Variants in EPB41L4A observed in about 807,000 individuals in gnomAD.
EPB41L4A encodes band 4.1-like protein 4A.
In EPB41L4A, 100 loss-of-function variants were observed where a neutral mutation model predicts 108.6. The ratio of observed to expected loss-of-function variants is 0.92; its 90% CI spans 0.78 to 1.09. The LOEUF is 1.09. Ranked by LOEUF, EPB41L4A falls within the 50% of genes least tolerant of loss-of-function variation. EPB41L4A has a pLI of 0.00. For missense variants in EPB41L4A, 1,030 were observed against 842.7 expected, an observed-to-expected ratio of 1.22 and a Z score of -2.75; for synonymous variants, 319 against 289.0, an observed-to-expected ratio of 1.10 and a Z score of -1.05.
At position 112,419,010 on chromosome 5, in the gene EPB41L4A, T is replaced by A. The variant is rs544682638; in HGVS notation, c.30A>T (p.Glu10Asp). MGCFCAVPE[E>D]FYCEVLLLDE... ...CCAGGAGCAAAACTTCGCAGTAAAA[T>A]TCTTCCGGAACAGCGCAGAAACAGC... is the stretch of plus-strand genomic sequence containing the variant. Residue 10 changes from glutamate to aspartate, a missense_variant, in exon 1 of 23, where the codon GAA becomes GAT. Glu to Asp is a conservative substitution (Grantham distance 45, BLOSUM62 2). Transcript: ENST00000261486. 2 of 1,613,430 alleles carry A rather than the reference T, an allele frequency of 1.2e-6. No homozygotes were observed. Among genetic ancestry groups the A allele is most frequent in the African/African-American group, 2.7e-5 (2 of 74,942 alleles).
intron 2 of EPB41L4A, among the ~76,000 whole-genome samples, chr5:112,290,005 C>T (rs138821239): frequency 1.7e-4 from 26 of 152,252 alleles, no homozygotes; most frequent in African/African-American, 5.8e-4. Flanking sequence ...GATGTGCATG[C>T]CCTTTATGTC....
intron 1 of EPB41L4A, among the ~76,000 whole-genome samples, chr5:112,381,007 C>T (rs1216954531): frequency 6.6e-6 from 1 of 152,074 alleles, no homozygotes; most frequent in Non-Finnish European, 1.5e-5. Flanking sequence ...TGTTCCAATT[C>T]AAAAATTTTT....
At chr5:112,263,579 CA>C (rs1751639094) in intron 6 of EPB41L4A, 1 of 152,090 alleles carries the variant, frequency 6.6e-6, no homozygotes, top group Non-Finnish European at 1.5e-5. Context: ...CATAATGTGC[CA>C]AACACATTGC....
At chr5:112,344,810 C>G (rs1011442909) in intron 1 of EPB41L4A, among the ~76,000 whole-genome samples, 6 of 152,198 alleles carry the variant, frequency 3.9e-5, no homozygotes, top group Non-Finnish European at 7.3e-5. Context: ...TACAATGAAA[C>G]TGAATATATA....
At position 112,368,935 on chromosome 5, in the gene EPB41L4A, C is replaced by A. The variant is rs1561614949; in HGVS notation, c.99+50006G>T. Among the ~76,000 whole-genome samples the A allele has an allele frequency of 2.0e-5, 3 of 152,198 alleles. No individual in the cohort carries two copies. The South Asian group carries it at 6.2e-4, about 32-fold the overall frequency. Reference sequence around the variant, plus strand: ...AATTCTCGTCCACTCCCACAACCCTCCAGCCCCCGTTCTCATACTCTCCAT... The same window carrying A: ...AATTCTCGTCCACTCCCACAACCCTACAGCCCCCGTTCTCATACTCTCCAT... On this transcript the variant is annotated intron_variant, in intron 1 of 22. Coordinates refer to ENST00000261486, the MANE Select transcript of EPB41L4A (RefSeq NM_022140.5).
At chr5:112,214,882 A>C (rs1048372773) in intron 12 of EPB41L4A, among the ~76,000 whole-genome samples, 3 of 152,208 alleles carry the variant, frequency 2.0e-5, no homozygotes, top group African/African-American at 7.2e-5. Flanking sequence ...CTTTCTGCCT[A>C]AAATATCTGG....
At chr5:112,159,490 A>G (rs1365136389), downstream of EPB41L4A, among the ~76,000 whole-genome samples, 2 of 152,200 alleles carry the variant, frequency 1.3e-5, no homozygotes, top group Admixed American at 6.5e-5. Context: ...GTGATAATTA[A>G]TCAACTCTAA....
intron 1 of EPB41L4A, among the ~76,000 whole-genome samples, chr5:112,388,622 A>G (rs1421214188): frequency 6.6e-6 from 1 of 152,140 alleles, no homozygotes; most frequent in Non-Finnish European, 1.5e-5. Context: ...TCAAATGCGA[A>G]GGCTGCCTTG....
intron 2 of EPB41L4A, 101 bp from the exon 3 acceptor site, chr5:112,280,424 C>G: frequency 3.6e-6 from 4 of 1,122,216 alleles, no homozygotes; most frequent in Non-Finnish European, 4.1e-6. Flanking sequence ...CATTTTAAAA[C>G]TTGGTCAGTT....
At chr5:112,171,578 C>G (rs1429374618) in intron 18 of EPB41L4A, among the ~76,000 whole-genome samples, 1 of 152,230 alleles carries the variant, frequency 6.6e-6, no homozygotes, top group South Asian at 2.1e-4. Context: ...ACGCCCTTCT[C>G]CATTCCTAAC....
At chr5:112,303,393 G>A (rs1554094123) in intron 2 of EPB41L4A, among the ~76,000 whole-genome samples, 1 of 152,122 alleles carries the variant, frequency 6.6e-6, no homozygotes, top group Non-Finnish European at 1.5e-5. Flanking sequence ...AGATGGTTAA[G>A]GAAATTATCT....
At chr5:112,280,934 C>T (rs1044324978) in intron 2 of EPB41L4A, among the ~76,000 whole-genome samples, 1 of 152,110 alleles carries the variant, frequency 6.6e-6, no homozygotes, top group South Asian at 2.1e-4. Flanking sequence ...GGTATTGCTG[C>T]TAGGTGTTAG....
intron 7 of EPB41L4A, among the ~76,000 whole-genome samples, chr5:112,262,290 C>T (rs1035003994): frequency 6.6e-6 from 1 of 152,136 alleles, no homozygotes; most frequent in African/African-American, 2.4e-5. Flanking sequence ...GTTTTCTACA[C>T]ATGGAAATAT....
At chr5:112,416,630 G>A (rs959033833) in intron 1 of EPB41L4A, among the ~76,000 whole-genome samples, 2 of 152,154 alleles carry the variant, frequency 1.3e-5, no homozygotes, top group Admixed American at 1.3e-4. Flanking sequence ...CATAATGGTA[G>A]CTACTGGCTA....
upstream of EPB41L4A, chr5:112,419,597 T>G (rs1445539345): frequency 2.2e-6 from 1 of 454,282 alleles, no homozygotes; most frequent in Non-Finnish European, 4.4e-6. Context: ...ATCCGCCGAG[T>G]ATGAAGCGCT....
At chr5:112,183,884 T>C in intron 18 of EPB41L4A, 132 bp downstream of exon 18, 1 of 1,165,158 alleles carries the variant, frequency 8.6e-7, no homozygotes, top group Admixed American at 2.4e-5. Flanking sequence ...GTCACAAATA[T>C]TAGAAGGTAA....
chr5:112,360,638 A>G (rs1758667146), intron 1 of EPB41L4A, among the ~76,000 whole-genome samples: 1 of 152,142 alleles, frequency 6.6e-6, no homozygotes, highest in Non-Finnish European at 1.5e-5. Flanking sequence ...TCCACCTCCC[A>G]GCCGCCTGCC....
intron 12 of EPB41L4A, among the ~76,000 whole-genome samples, chr5:112,216,968 A>G (rs566190969): frequency 1.3e-5 from 2 of 152,146 alleles, no homozygotes; most frequent in Non-Finnish European, 2.9e-5. Flanking sequence ...TTTTCCTATC[A>G]TCATGGAATT....
intron 1 of EPB41L4A, among the ~76,000 whole-genome samples, chr5:112,365,949 T>G (rs1384854870): frequency 6.6e-6 from 1 of 152,186 alleles, no homozygotes; most frequent in African/African-American, 2.4e-5. Context: ...ATGTTAGCCT[T>G]TATCTCCCCA....
Sources: allele counts gnomAD v4.1 joint callset (sites outside exome capture counted in the v4.1 genomes callset), GRCh38; gene constraint gnomAD v4.1.1; transcripts MANE v1.5; gene names NCBI Gene and HGNC (gene_info 2026-07-23, HGNC 2026-07-21).